Variants in ATMIN observed in about 807,000 individuals in gnomAD.
ATMIN encodes ATM INteracting protein.
Under a neutral mutation model 49.2 loss-of-function variants are expected in ATMIN, and 24 were observed. That is an observed-to-expected ratio of 0.49 (90% CI 0.35 to 0.69). The LOEUF (loss-of-function observed/expected upper bound fraction) is 0.69. Among genes scored for constraint, ATMIN ranks in the 30% least tolerant of loss-of-function variants. ATMIN has a pLI of 0.00. For missense variants in ATMIN, 1,037 were observed against 1,005.5 expected, an observed-to-expected ratio of 1.03 and a Z score of -0.42; for synonymous variants, 450 against 392.5, an observed-to-expected ratio of 1.15 and a Z score of -1.73.
intron 2 of ATMIN, 87 bp downstream of exon 2, chr16:81,041,568 T>C: frequency 6.7e-7 from 1 of 1,495,108 alleles, no homozygotes. Flanking sequence ...CAGAATTGAG[T>C]AGACAGCTGC....
chr16:81,043,418 C>A lies in ATMIN; in HGVS notation c.920C>A (p.Pro307His), dbSNP rs539236397. The change falls in exon 4 of 4, where the codon CCC (proline) becomes CAC (histidine). Residue 307 changes from proline to histidine, a missense_variant. Pro to His is a moderately conservative substitution (Grantham distance 77). Coordinates refer to ENST00000299575, the MANE Select transcript of ATMIN (RefSeq NM_015251.3). Reference sequence around the variant, plus strand: ...CCCAAAGTGGCTTTGGTTAAACTACCCGTGATGCAGTTTTCTGTCATGCCT... The same window carrying A: ...CCCAAAGTGGCTTTGGTTAAACTACACGTGATGCAGTTTTCTGTCATGCCT... ...PKPKVALVKL[P>H]VMQFSVMPVF... 2 of 1,613,864 alleles carry A rather than the reference C, an allele frequency of 1.2e-6. No homozygotes were observed. Among genetic ancestry groups the A allele is most frequent in the South Asian group, 1.1e-5 (1 of 91,062 alleles).
At chr16:81,041,206 CTCTTTT>C in intron 1 of ATMIN, 144 bp from the exon 2 acceptor site, 6 of 802,152 alleles carry the variant, frequency 7.5e-6, no homozygotes, top group Non-Finnish European at 9.7e-6. Flanking sequence ...TCTACTCATA[CTCTTTT>C]TCTCTTACTG....
At position 81,041,339 on chromosome 16, in the gene ATMIN, T is replaced by G; in HGVS notation, c.337-17T>G. On this transcript the variant is annotated splice_polypyrimidine_tract_variant and intron_variant, in intron 1 of 3. Transcript: ENST00000299575. The stretch of plus-strand genomic sequence containing the variant: ...GTTTTTTTGAAATAATAATTTAAAG[T>G]AATTTTCCTTTTGCAGGATGGCATA... 6.3e-7 allele frequency: 1 copy of G among 1,591,946 alleles called. No homozygotes were observed. The highest frequency in any genetic ancestry group is 8.5e-7 in the Non-Finnish European group (1 of 1,173,786).
Position 81,037,626 on chromosome 16 carries a change from T to C in ATMIN, c.336+1420T>C, listed in dbSNP as rs1305187979. On this transcript the variant is annotated intron_variant, in intron 1 of 3. Coordinates refer to ENST00000299575, the MANE Select transcript of ATMIN (RefSeq NM_015251.3). ...TTTAACTAAATCCTTTTCTTCCCTA[T>C]TGTTTTTGTGTTTTTTTGTTTGTTT... The C allele has an allele frequency of 9.2e-6, 5 of 545,048 alleles. No homozygotes were observed. In the African/African-American group the frequency reaches 1.0e-4, roughly 11 times the overall value. The allele number at this position is 545,048 out of a possible 1,614,324, so 33.8% of individuals were successfully genotyped here. A position where few individuals can be genotyped will look rare whatever the true frequency, so the allele number is the denominator to read the frequency against.
Position 81,043,484 on chromosome 16 carries a change from T to A in ATMIN, c.986T>A (p.Val329Glu). ...PTADSSAQPV[V>E]LGVDQGSATG... ...GCCGACTCCTCAGCCCAGCCTGTGG[T>A]GTTAGGTGTTGATCAGGGCTCTGCC... is the stretch of plus-strand genomic sequence containing the variant. The change falls in exon 4 of 4, where the codon GTG becomes GAG. Residue 329 changes from valine (V) to glutamate (E), a missense_variant. Transcript: ENST00000299575. 1 of 1,614,146 alleles carries A rather than the reference T, an allele frequency of 6.2e-7. No homozygotes were observed.
chr16:81,042,804 T>C (rs1971056748), intron 3 of ATMIN, among the ~76,000 whole-genome samples: 1 of 152,232 alleles, frequency 6.6e-6, no homozygotes, highest in African/African-American at 2.4e-5. Flanking sequence ...CATGAAACTG[T>C]ACTTCATTTA....
At chr16:81,040,020 T>C (rs1342139728) in intron 1 of ATMIN, among the ~76,000 whole-genome samples, 2 of 152,200 alleles carry the variant, frequency 1.3e-5, no homozygotes, top group Non-Finnish European at 2.9e-5. Flanking sequence ...GTTCTTACAA[T>C]CGTTTCTTTT....
In ATMIN at chr16:81,036,088, T is replaced by A; in HGVS notation, c.218T>A (p.Val73Glu). The A allele has an allele frequency of 1.5e-6, 2 of 1,351,372 alleles. No homozygotes were observed. Among genetic ancestry groups the A allele is most frequent in the African/African-American group, 1.5e-5 (1 of 66,860 alleles). 83.7% of individuals were successfully genotyped at this position (1,351,372 alleles called of 1,614,324 possible). A position where few individuals can be genotyped will look rare whatever the true frequency, so the allele number is the denominator to read the frequency against. Residue 73 changes from valine to glutamate, a missense_variant, in exon 1 of 4, where the codon GTG (valine) becomes GAG (glutamate). Physicochemically the swap from Val to Glu is moderately radical, Grantham distance 121 (BLOSUM62 -2). Transcript: ENST00000299575. ...GCGGGGGAGCTGATCCAGCCGTCGG[T>A]GAGCGAGCTGTCCCGGGCCGTGCGG... ...PPAGELIQPS[V>E]SELSRAVRTN...
At chr16:81,040,508 G>A (rs1361962555) in intron 1 of ATMIN, 2 of 152,226 alleles carry the variant, frequency 1.3e-5, no homozygotes, top group East Asian at 1.9e-4. Context: ...AAGAGATTCA[G>A]TATAATGCTA....
intron 1 of ATMIN, chr16:81,037,519 T>C (rs1970961195): frequency 1.0e-6 from 1 of 984,250 alleles, no homozygotes; most frequent in African/African-American, 1.7e-5. Context: ...ATTGTTGGAC[T>C]GAAAAGCTCT....
chr16:81,043,168 C>G lies in ATMIN; in HGVS notation c.670C>G (p.Pro224Ala), dbSNP rs1375747417. 1.3e-6 allele frequency: 2 copies of G among 1,599,266 alleles called. No homozygotes were observed. The highest frequency in any genetic ancestry group is 3.6e-5 in the Admixed American group (2 of 55,928). The change falls in exon 4 of 4, where the codon CCT (proline) becomes GCT (alanine). Residue 224 changes from proline (P) to alanine (A), a missense_variant. By Grantham distance (27) the Pro-to-Ala change is conservative (BLOSUM62 -1). Coordinates refer to ENST00000299575, the MANE Select transcript of ATMIN (RefSeq NM_015251.3). The stretch of plus-strand genomic sequence containing the variant: ...CTCTGTCATTGTTTTCAGGGACCCA[C>G]CTAGTAAGAAAAGGAAAATGGAAAA... ...HEIPAEHRDP[P>A]SKKRKMENCA... is the part of the protein sequence containing the mutation.
At position 81,036,223 on chromosome 16, in the gene ATMIN, C is replaced by T. The variant is rs1222946908; in HGVS notation, c.336+17C>T. 7.2e-7 allele frequency: 1 copy of T among 1,387,586 alleles called. No homozygotes were observed. Among genetic ancestry groups the T allele is most frequent in the Non-Finnish European group, 9.4e-7 (1 of 1,061,088 alleles). 86.0% of individuals were successfully genotyped at this position (1,387,586 alleles called of 1,614,324 possible). On this transcript the variant is annotated intron_variant, in intron 1 of 3. Coordinates refer to ENST00000299575, the MANE Select transcript of ATMIN (RefSeq NM_015251.3). The stretch of plus-strand genomic sequence containing the variant: ...CGCCTGCAGGTGAGCCCGACGCGGC[C>T]GGCGGCCCGGGGGGCCGGGCCTGGC...
rs776115480 is a variant in ATMIN, at chr16:81,044,401, G to C, written c.1903G>C (p.Asp635His). ...PSGPAQNPGI[D>H]FDIEEFFSAS... is the part of the protein sequence containing the mutation. Reference sequence around the variant, plus strand: ...TGGCCCAGCCCAGAACCCCGGAATCGATTTTGATATCGAAGAGTTCTTTTC... The same window carrying C: ...TGGCCCAGCCCAGAACCCCGGAATCCATTTTGATATCGAAGAGTTCTTTTC... Residue 635 changes from aspartate (D) to histidine (H), a missense_variant, in exon 4 of 4, where the codon GAT becomes CAT. Transcript: ENST00000299575. The C allele has an allele frequency of 6.2e-7, 1 of 1,614,038 alleles. No homozygotes were observed. Among genetic ancestry groups the C allele is most frequent in the Non-Finnish European group, 8.5e-7 (1 of 1,179,992 alleles).
chr16:81,043,282 G>C lies in ATMIN; in HGVS notation c.784G>C (p.Ala262Pro). The C allele has an allele frequency of 6.2e-7, 1 of 1,614,102 alleles. No individual in the cohort carries two copies. The highest frequency in any genetic ancestry group is 2.2e-5 in the East Asian group (1 of 44,886). Residue 262 changes from alanine (A) to proline (P), a missense_variant, in exon 4 of 4, where the codon GCT (alanine) becomes CCT (proline). Physicochemically the swap from Ala to Pro is conservative, Grantham distance 27. Coordinates refer to ENST00000299575, the MANE Select transcript of ATMIN (RefSeq NM_015251.3). ...IPRPDTQELE[A>P]SEIKLEPSFE... ...TAGACCAGACACTCAAGAACTAGAA[G>C]CTTCAGAAATAAAGCTAGAACCATC...
intron 1 of ATMIN, among the ~76,000 whole-genome samples, chr16:81,039,505 C>G (rs1256048682): frequency 6.6e-6 from 1 of 152,058 alleles, no homozygotes. Flanking sequence ...GAGTATGTGC[C>G]GCCTTCTGGT....
At chr16:81,036,541 T>C (rs537672536) in intron 1 of ATMIN, among the ~76,000 whole-genome samples, 1 of 152,356 alleles carries the variant, frequency 6.6e-6, no homozygotes, top group African/African-American at 2.4e-5. Context: ...TAACGGCGTT[T>C]TGGCGAGGGA....
chr16:81,045,104 T>G lies in ATMIN; in HGVS notation c.*134T>G. 4 of 1,226,842 alleles carry G rather than the reference T, an allele frequency of 3.3e-6. No individual in the cohort carries two copies. The highest frequency in any genetic ancestry group is 4.5e-6 in the Non-Finnish European group (4 of 897,570). 76.0% of individuals were successfully genotyped at this position (1,226,842 alleles called of 1,614,324 possible). ...GTTGCTTAGCTTCTTTGTGTTTCTTTGCCTTTTGTACTTGTAAACAGAAAT... is the reference window on the plus strand; with the variant it reads ...GTTGCTTAGCTTCTTTGTGTTTCTTGGCCTTTTGTACTTGTAAACAGAAAT... On this transcript the variant is annotated 3_prime_UTR_variant, in exon 4 of 4. Transcript: ENST00000299575.
rs1257402984 is a variant in ATMIN at position 81,043,567 on chromosome 16, T to G, written c.1069T>G (p.Ser357Ala). Residue 357 changes from serine to alanine, a missense_variant, in exon 4 of 4, where the codon TCA (serine) becomes GCA (alanine). Ser to Ala is a moderately conservative substitution (Grantham distance 99). Coordinates refer to ENST00000299575, the MANE Select transcript of ATMIN (RefSeq NM_015251.3). ...AGGAACCCTGATCCTCGGCCTAGAT[T>G]CAGAGGCTTGCTCTCTTAAGGAGAG... is the stretch of plus-strand genomic sequence containing the variant. ...SVGTLILGLD[S>A]EACSLKESLP... 3 of 1,614,146 alleles carry G rather than the reference T, an allele frequency of 1.9e-6. No homozygotes were observed. In the South Asian group the frequency reaches 3.3e-5, roughly 18 times the overall value.
rs754412424 is a variant in ATMIN, at chr16:81,047,157, G to C, written c.*2187G>C. The C allele has an allele frequency of 3.9e-5, 6 of 152,500 alleles. No homozygotes were observed. Among genetic ancestry groups the C allele is most frequent in the Non-Finnish European group, 7.4e-5 (5 of 68,004 alleles). The allele number at this position is 152,500 out of a possible 1,614,324, so 9.4% of individuals were successfully genotyped here. A position where few individuals can be genotyped will look rare whatever the true frequency, so the allele number is the denominator to read the frequency against. Reference sequence around the variant, plus strand: ...GAAAAATGAGCATGTAATAATACAAGAACTGTTTCCCCCTCAAAACCTGAA... The same window carrying C: ...GAAAAATGAGCATGTAATAATACAACAACTGTTTCCCCCTCAAAACCTGAA... On this transcript the variant is annotated 3_prime_UTR_variant, in exon 4 of 4. Transcript: ENST00000299575.
Sources: gnomAD v4.1 joint callset for allele counts (sites outside exome capture counted in the v4.1 genomes callset) on GRCh38, gnomAD v4.1.1 for gene constraint, MANE v1.5 for transcripts, NCBI Gene and HGNC (gene_info 2026-07-23, HGNC 2026-07-21) for gene names.